MYCBP2: variants seen among roughly 807,000 people sequenced by gnomAD.
MYCBP2 encodes E3 ubiquitin-protein ligase MYCBP2.
A neutral mutation model predicts 525.3 loss-of-function variants in MYCBP2; 120 were observed. The observed-to-expected ratio is 0.23, with a 90% confidence interval of 0.20 to 0.27. The LOEUF (loss-of-function observed/expected upper bound fraction) is 0.27, where lower values mean the gene tolerates loss of function less well. MYCBP2 is among the 10% of genes least tolerant of loss of function. MYCBP2 has a pLI of 1.00. For missense variants in MYCBP2, 4,149 were observed against 5,657.1 expected (o/e 0.73, Z 8.55); for synonymous variants, 1,894 against 1,955.8 (o/e 0.97, Z 0.83).
chr13:77,201,293 A>G (rs1464806446), intron 26 of MYCBP2, among the ~76,000 whole-genome samples: 1 of 149,394 alleles, frequency 6.7e-6, no homozygotes, highest in Non-Finnish European at 1.5e-5. Context: ...AAAGAGACAA[A>G]GAAGGCCATT....
At chr13:77,082,102 C>A in intron 63 of MYCBP2, 109 bp from the exon 64 acceptor site, 1 of 931,702 alleles carries the variant, frequency 1.1e-6, no homozygotes, top group Non-Finnish European at 1.5e-6. Context: ...TTTTAATGTT[C>A]TAGTAACAGA....
chr13:77,164,347 T>A, intron 43 of MYCBP2, 107 bp downstream of exon 43: 2 of 698,826 alleles, frequency 2.9e-6, no homozygotes, highest in Non-Finnish European at 5.0e-6. Context: ...CTCATGAATA[T>A]ATGAGATTAC....
At chr13:77,161,382 G>A (rs1326639765) in intron 44 of MYCBP2, among the ~76,000 whole-genome samples, 1 of 152,038 alleles carries the variant, frequency 6.6e-6, no homozygotes, top group Middle Eastern at 3.2e-3. Context: ...GAGCAAAAAA[G>A]GTAAAGCAAA....
chr13:77,097,957 G>C lies in MYCBP2; in HGVS notation c.9197C>G (p.Ala3066Gly). Residue 3066 changes from alanine (A) to glycine (G), a missense_variant, in exon 56 of 83, where the codon GCT becomes GGT. Ala to Gly is a moderately conservative substitution (Grantham distance 60). This residue lies in a region of MYCBP2 where 653 missense variants were observed against 744.7 expected (regional missense o/e 0.88). Transcript: ENST00000544440. ...KFHPELSKEH[A>G]PIRSSLNSQQ... ...GCTATTTAAACTACTCCTTATAGGA[G>C]CATGTTCTTTGGAAAGTTCAGGATG... 2 of 1,613,512 alleles carry C rather than the reference G, an allele frequency of 1.2e-6. No individual in the cohort carries two copies. The highest frequency in any genetic ancestry group is 1.7e-6 in the Non-Finnish European group (2 of 1,179,762).
chr13:77,282,729 A>T (rs1383097178), intron 3 of MYCBP2, among the ~76,000 whole-genome samples: 1 of 152,156 alleles, frequency 6.6e-6, no homozygotes, highest in Non-Finnish European at 1.5e-5. Flanking sequence ...TTACCTCAGA[A>T]TCAGCATGTG....
intron 17 of MYCBP2, among the ~76,000 whole-genome samples, chr13:77,240,986 T>C (rs943855174): frequency 3.3e-5 from 5 of 152,244 alleles, no homozygotes; most frequent in Admixed American, 2.6e-4. Context: ...TGATGTTCTA[T>C]ATATTTAGGA....
intron 32 of MYCBP2, among the ~76,000 whole-genome samples, chr13:77,184,006 T>C (rs2154250808): frequency 6.6e-6 from 1 of 152,306 alleles, no homozygotes; most frequent in East Asian, 1.9e-4. Context: ...TTTCTGCTCT[T>C]ATCTTTATTA....
intron 55 of MYCBP2, among the ~76,000 whole-genome samples, chr13:77,101,482 C>T (rs2047052863): frequency 6.6e-6 from 1 of 151,978 alleles, no homozygotes; most frequent in Non-Finnish European, 1.5e-5. Flanking sequence ...CTGTGGTTGC[C>T]TGAAAAATGG....
Position 77,212,146 on chromosome 13 carries a change from G to C in MYCBP2, c.3072C>G (p.Gly1024=). The C allele has an allele frequency of 6.2e-7, 1 of 1,613,942 alleles. No homozygotes were observed. Among genetic ancestry groups the C allele is most frequent in the East Asian group, 2.2e-5 (1 of 44,854 alleles). Residue 1024 remains glycine, a synonymous_variant, in exon 22 of 83, where the codon GGC becomes GGG. Transcript: ENST00000544440. Reference sequence around the variant, plus strand: ...AATATGGCACATCCAAAATTGGTCTGCCCAGTTGTCCTTTCTAAAAGATTA... The same window carrying C: ...AATATGGCACATCCAAAATTGGTCTCCCCAGTTGTCCTTTCTAAAAGATTA... ...TFGSFSKGQL[G]RPILDVPYWN...
At chr13:77,131,539 C>CACACAT (rs1270628222) in intron 52 of MYCBP2, among the ~76,000 whole-genome samples, 22 of 151,212 alleles carry the variant, frequency 1.5e-4, no homozygotes, top group African/African-American at 5.3e-4. Context: ...CACACACACA[C>CACACAT]ACTTGAATAG....
chr13:77,264,084 TGA>T (rs2073732950), intron 8 of MYCBP2, 82 bp from the exon 9 acceptor site: 2 of 1,083,994 alleles, frequency 1.8e-6, no homozygotes, highest in South Asian at 2.9e-5. Context: ...GAAGTCAAAA[TGA>T]GAGTTCTCCA....
Position 77,078,907 on chromosome 13 carries a change from C to T in MYCBP2, c.11419-18G>A, listed in dbSNP as rs776268203. ...ACTTTATTCTGAAATAGACAATTCA[C>T]AATAGTTAATATGCTATATTCCTGC... On this transcript the variant is annotated intron_variant, in intron 65 of 82. Coordinates refer to ENST00000544440, the MANE Select transcript of MYCBP2 (RefSeq NM_015057.5). 9 of 1,595,230 alleles carry T rather than the reference C, an allele frequency of 5.6e-6. No individual in the cohort carries two copies. Among genetic ancestry groups the T allele is most frequent in the South Asian group, 2.2e-5 (2 of 90,622 alleles).
At chr13:77,293,733 A>C (rs1460983276) in intron 2 of MYCBP2, among the ~76,000 whole-genome samples, 4 of 152,122 alleles carry the variant, frequency 2.6e-5, no homozygotes, top group African/African-American at 9.7e-5. Flanking sequence ...GAGAAAACTC[A>C]ACCAACCGCC....
At chr13:77,205,231 G>A in intron 26 of MYCBP2, 25 bp downstream of exon 26, 1 of 1,509,256 alleles carries the variant, frequency 6.6e-7, no homozygotes, top group Non-Finnish European at 8.9e-7. Flanking sequence ...AAACAAAAAA[G>A]GACAACATTG....
At chr13:77,317,306 T>C (rs2081071090) in intron 1 of MYCBP2, among the ~76,000 whole-genome samples, 2 of 152,198 alleles carry the variant, frequency 1.3e-5, no homozygotes, top group African/African-American at 4.8e-5. Flanking sequence ...AGCTGTACTT[T>C]AAAGTATAAC....
chr13:77,124,635 T>C (rs928404459), intron 54 of MYCBP2, among the ~76,000 whole-genome samples: 37 of 152,156 alleles, frequency 2.4e-4, no homozygotes, highest in African/African-American at 8.4e-4. Context: ...TAACTGGGTA[T>C]GAAGAAATAA....
rs2060246330 is a variant in MYCBP2 at position 77,181,819 on chromosome 13, A to G, written c.4823T>C (p.Ile1608Thr). The G allele has an allele frequency of 6.2e-7, 1 of 1,614,082 alleles. No individual in the cohort carries two copies. Among genetic ancestry groups the G allele is most frequent in the South Asian group, 1.1e-5 (1 of 91,088 alleles). ...TSVKLTSIFP[I>T]AYDGEVLLRS... ...TAGTAATACTTCTCCATCATACGCA[A>G]TCGGGAAGATGGAAGTCAGCTTAAC... Residue 1608 changes from isoleucine (I) to threonine (T), a missense_variant, in exon 33 of 83, where the codon ATT becomes ACT. Physicochemically the swap from Ile to Thr is moderately conservative, Grantham distance 89. Coordinates refer to ENST00000544440, the MANE Select transcript of MYCBP2 (RefSeq NM_015057.5).
intron 3 of MYCBP2, among the ~76,000 whole-genome samples, chr13:77,283,276 C>T (rs2076387168): frequency 6.6e-6 from 1 of 151,992 alleles, no homozygotes; most frequent in Non-Finnish European, 1.5e-5. Context: ...TAGCTTCCTG[C>T]TCTCTCTCTC....
chr13:77,099,474 T>C (rs1428823134), intron 55 of MYCBP2: 1 of 183,456 alleles, frequency 5.5e-6, no homozygotes, highest in Non-Finnish European at 1.2e-5. Flanking sequence ...TTTTGTTGAA[T>C]TAGAGAACTG....
Sources: allele counts gnomAD v4.1 joint callset (sites outside exome capture counted in the v4.1 genomes callset), GRCh38; gene constraint gnomAD v4.1.1; regional missense constraint gnomAD v4.1.1; transcripts MANE v1.5; gene names NCBI Gene and HGNC (gene_info 2026-07-23, HGNC 2026-07-21).